DNAH12: variants seen among roughly 807,000 people sequenced by gnomAD.
The protein encoded by DNAH12 is dynein axonemal heavy chain 12.
A neutral mutation model predicts 371.5 loss-of-function variants in DNAH12; 285 were observed. That is an observed-to-expected ratio of 0.77 (90% CI 0.70 to 0.85). DNAH12 has a LOEUF of 0.85. DNAH12 is among the 40% of genes least tolerant of loss of function. The pLI is 0.00. For synonymous variants in DNAH12, 1,200 were observed against 1,213.0 expected, an observed-to-expected ratio of 0.99 and a Z score of 0.22; for missense variants, 3,611 against 3,689.4, an observed-to-expected ratio of 0.98 and a Z score of 0.55.
At chr3:57,381,758 G>T (rs2153342725) in intron 50 of DNAH12, among the ~76,000 whole-genome samples, 1 of 152,240 alleles carries the variant, frequency 6.6e-6, no homozygotes, top group Non-Finnish European at 1.5e-5. Flanking sequence ...TACCCAGAAA[G>T]GATCTTAGCT....
intron 2 of DNAH12, among the ~76,000 whole-genome samples, chr3:57,532,581 C>T (rs2068888739): frequency 6.6e-6 from 1 of 152,236 alleles, no homozygotes; most frequent in Non-Finnish European, 1.5e-5. Flanking sequence ...TTCTTGCAGA[C>T]TCATAGAAGT....
chr3:57,453,224 A>C, intron 24 of DNAH12, 23 bp downstream of exon 24: 1 of 1,515,544 alleles, frequency 6.6e-7, no homozygotes, highest in Non-Finnish European at 8.8e-7. Flanking sequence ...TTATCTTTAA[A>C]AATTAAAGAA....
In DNAH12 at chr3:57,462,738, A is replaced by G. The variant is rs1240566075; in HGVS notation, c.2487T>C (p.Leu829=). 1 of 1,551,596 alleles carries G rather than the reference A, an allele frequency of 6.4e-7. No homozygotes were observed. The highest frequency in any genetic ancestry group is 2.0e-5 in the Admixed American group (1 of 50,986). ...CTTCAAATTGTTCCAAGTATGGGGT[A>G]AGGTTTAATTTTAAAACTTTTCTCA... The part of the protein sequence containing the change: ...TTLRKVLKLN[L]TPYLEQFEVI... Residue 829 remains leucine, a synonymous_variant, in exon 18 of 74, where the codon CTT becomes CTC. Transcript: ENST00000495027.
rs1454012250 is a variant in DNAH12 at position 57,295,610 on chromosome 3, CAG to C, written c.11625-20_11625-19del. ...GCAATCCACTGTAACGAGAAATTGA[CAG>C]AAATTATTAGAAATAACATGAAATT... On this transcript the variant is annotated intron_variant, in intron 72 of 73. Coordinates refer to ENST00000495027, the MANE Select transcript of DNAH12 (RefSeq NM_001366028.2). The C allele has an allele frequency of 3.9e-6, 6 of 1,524,112 alleles. No homozygotes were observed. In the East Asian group the frequency reaches 7.4e-5, roughly 19 times the overall value. The allele number at this position is 1,524,112 out of a possible 1,614,324, so 94.4% of individuals were successfully genotyped here.
At chr3:57,324,768 C>T (rs1435933950) in intron 62 of DNAH12, among the ~76,000 whole-genome samples, 3 of 152,224 alleles carry the variant, frequency 2.0e-5, no homozygotes, top group Admixed American at 6.5e-5. Flanking sequence ...CAGGGCGAGG[C>T]ATTGCCTCAC....
chr3:57,314,620 C>A lies in DNAH12; in HGVS notation c.10536G>T (p.Lys3512Asn). 6.5e-7 allele frequency: 1 copy of A among 1,545,522 alleles called. No homozygotes were observed. Among genetic ancestry groups the A allele is most frequent in the Non-Finnish European group, 8.7e-7 (1 of 1,145,760 alleles). The change falls in exon 66 of 74, where the codon AAG (lysine) becomes AAT (asparagine). Residue 3512 changes from lysine to asparagine, a missense_variant. By Grantham distance (94) the Lys-to-Asn change is moderately conservative (BLOSUM62 0). Transcript: ENST00000495027. The part of the protein sequence containing the change: ...GCRGKELAWE[K>N]LLFGVCFFHA... The stretch of plus-strand genomic sequence containing the variant: ...GAAAAAAACAAACTCCAAACAGTAA[C>A]TTCTCCCAGGCCTTTAATATAAAAA...
At position 57,446,021 on chromosome 3, in the gene DNAH12, A is replaced by G. The variant is rs1484657055; in HGVS notation, c.4179+10T>C. On this transcript the variant is annotated intron_variant, in intron 27 of 73. Coordinates refer to ENST00000495027, the MANE Select transcript of DNAH12 (RefSeq NM_001366028.2). The stretch of plus-strand genomic sequence containing the variant: ...AATAAATAAATAAATAAATAAATAA[A>G]TAATATTACCTTAAGATTGTCCGGC... 4.8e-5 allele frequency: 16 copies of G among 332,572 alleles called. No individual in the cohort carries two copies. The highest frequency in any genetic ancestry group is 3.5e-4 in the African/African-American group (12 of 34,130). 20.6% of individuals were successfully genotyped at this position (332,572 alleles called of 1,614,324 possible).
intron 11 of DNAH12, among the ~76,000 whole-genome samples, chr3:57,495,252 C>T (rs904982479): frequency 6.6e-6 from 1 of 151,980 alleles, no homozygotes; most frequent in Non-Finnish European, 1.5e-5. Flanking sequence ...TCAGTAAAAA[C>T]TTCAGAATAA....
the DNAH12 span, among the ~76,000 whole-genome samples, chr3:57,549,914 A>G: frequency 7.2e-5 from 11 of 151,952 alleles, no homozygotes; most frequent in Non-Finnish European, 8.8e-5. Flanking sequence ...GTGAGCCACC[A>G]TACCTGGCTT....
chr3:57,474,016 A>C (rs2066446744), intron 13 of DNAH12, among the ~76,000 whole-genome samples: 1 of 152,160 alleles, frequency 6.6e-6, no homozygotes, highest in South Asian at 2.1e-4. Flanking sequence ...AACCTACAAC[A>C]AATGTCATAC....
intron 57 of DNAH12, among the ~76,000 whole-genome samples, chr3:57,365,534 T>C (rs1342736857): frequency 6.6e-6 from 1 of 152,212 alleles, no homozygotes; most frequent in African/African-American, 2.4e-5. Context: ...GATGGGTTGA[T>C]AAGCGCAGCA....
At chr3:57,396,192 C>A (rs1459964130) in intron 43 of DNAH12, among the ~76,000 whole-genome samples, 1 of 144,942 alleles carries the variant, frequency 6.9e-6, no homozygotes, top group Non-Finnish European at 1.5e-5. Flanking sequence ...GCAGGAGAAT[C>A]GCTTGAACCT....
chr3:57,504,048 T>A lies in DNAH12; in HGVS notation c.1054A>T (p.Ser352Cys). 1 of 1,613,754 alleles carries A rather than the reference T, an allele frequency of 6.2e-7. No individual in the cohort carries two copies. The highest frequency in any genetic ancestry group is 8.5e-7 in the Non-Finnish European group (1 of 1,179,758). Residue 352 changes from serine (S) to cysteine (C), a missense_variant, in exon 9 of 74, where the codon AGT (serine) becomes TGT (cysteine). Transcript: ENST00000495027. ...TFQDLEDNVL[S>C]LVERIAEALQ... ...GCTTCGGCTATTCGTTCCACCAAACTCAAGACATTATCTTCCAAATCTTGA... is the reference window on the plus strand; with the variant it reads ...GCTTCGGCTATTCGTTCCACCAAACACAAGACATTATCTTCCAAATCTTGA...
intron 60 of DNAH12, among the ~76,000 whole-genome samples, chr3:57,339,728 C>T (rs568967484): frequency 6.6e-5 from 10 of 151,916 alleles, no homozygotes; most frequent in Admixed American, 3.9e-4. Context: ...TATACAAATA[C>T]GTGAAAACTA....
intron 19 of DNAH12, among the ~76,000 whole-genome samples, chr3:57,460,655 A>G (rs1313684745): frequency 6.6e-6 from 1 of 152,196 alleles, no homozygotes; most frequent in Non-Finnish European, 1.5e-5. Context: ...TCCTCTTGGA[A>G]GAACATTACT....
chr3:57,471,480 T>G lies in DNAH12; in HGVS notation c.1903A>C (p.Met635Leu), dbSNP rs1178025848. 1.7e-5 allele frequency: 26 copies of G among 1,544,734 alleles called. No individual in the cohort carries two copies. In the South Asian group the frequency reaches 3.0e-4, roughly 18 times the overall value. ...EFTEFAELER[M>L]QQYVTDVRQL... ...TCATATATTTATCAGACCTGTTGCA[T>G]GCGCTCCAGCTCTGCAAATTCTGTA... Residue 635 changes from methionine (M) to leucine (L), a missense_variant, in exon 15 of 74, where the codon ATG (methionine) becomes CTG (leucine). Physicochemically the swap from Met to Leu is conservative, Grantham distance 15. Transcript: ENST00000495027.
chr3:57,414,006 C>T, intron 38 of DNAH12, 94 bp from the exon 39 acceptor site: 1 of 1,288,202 alleles, frequency 7.8e-7, no homozygotes, highest in East Asian at 2.7e-5. Flanking sequence ...TAAAACAACC[C>T]ATTTTGCCAG....
intron 52 of DNAH12, among the ~76,000 whole-genome samples, chr3:57,377,755 T>C (rs2063310469): frequency 1.3e-5 from 2 of 152,052 alleles, no homozygotes; most frequent in Admixed American, 6.6e-5. Context: ...CCCCAACAAA[T>C]ACTGAAAAGC....
Position 57,461,498 on chromosome 3 carries a change from A to G in DNAH12, c.2727T>C (p.His909=). ...RGSPFIKPFE[H]EIKAWEDRLI... is the part of the protein sequence containing the mutation. Reference sequence around the variant, plus strand: ...ATCACATTTAACATACCTTGATCTCATGTTCAAATGGTTTGATGAAAGGTG... The same window carrying G: ...ATCACATTTAACATACCTTGATCTCGTGTTCAAATGGTTTGATGAAAGGTG... The change falls in exon 19 of 74, where the codon CAT becomes CAC. Residue 909 remains histidine, a synonymous_variant. Transcript: ENST00000495027. 1 of 1,551,300 alleles carries G rather than the reference A, an allele frequency of 6.4e-7. No individual in the cohort carries two copies. Among genetic ancestry groups the G allele is most frequent in the Non-Finnish European group, 8.7e-7 (1 of 1,146,774 alleles).
Sources: allele counts gnomAD v4.1 joint callset (sites outside exome capture counted in the v4.1 genomes callset), GRCh38; gene constraint gnomAD v4.1.1; transcripts MANE v1.5; gene names NCBI Gene and HGNC (gene_info 2026-07-23, HGNC 2026-07-21).